NEBL: variants seen among roughly 807,000 people sequenced by gnomAD.
NEBL encodes nebulette, also known as LIM and SH3 protein 2.
A neutral mutation model predicts 140.2 loss-of-function variants in NEBL; 122 were observed. That is an observed-to-expected ratio of 0.87 (90% CI 0.75 to 1.01). NEBL has a LOEUF of 1.01. Ranked by LOEUF, NEBL falls within the 50% of genes least tolerant of loss-of-function variation. NEBL has a pLI of 0.00. For missense variants in NEBL, 1,365 were observed against 1,231.3 expected (o/e 1.11, Z -1.62); for synonymous variants, 436 against 398.9 (o/e 1.09, Z -1.11).
intron 1 of NEBL, among the ~76,000 whole-genome samples, chr10:21,268,664 C>T (rs942555145): frequency 6.6e-6 from 1 of 151,848 alleles, no homozygotes; most frequent in African/African-American, 2.4e-5. Flanking sequence ...GCTGAGATTA[C>T]AGACACGTGC....
intron 3 of NEBL, among the ~76,000 whole-genome samples, chr10:21,186,958 G>C (rs904970642): frequency 5.9e-5 from 9 of 151,440 alleles, no homozygotes; most frequent in African/African-American, 2.2e-4. Context: ...TACAGATTCA[G>C]AACCCACAGA....
intron 13 of NEBL, 105 bp from the exon 14 acceptor site, chr10:20,835,728 G>A (rs1588730851): frequency 2.4e-6 from 2 of 822,762 alleles, no homozygotes; most frequent in East Asian, 2.4e-5. Context: ...TTACAAAAGA[G>A]GTAACAAAGC....
chr10:21,002,914 T>C (rs1837966859), intron 3 of NEBL, among the ~76,000 whole-genome samples: 1 of 151,550 alleles, frequency 6.6e-6, no homozygotes, highest in Non-Finnish European at 1.5e-5. Flanking sequence ...TTCACACCAC[T>C]ACCCACAGTG....
intron 2 of NEBL, chr10:21,110,858 A>G (rs1198098229): frequency 1.6e-6 from 1 of 614,248 alleles, no homozygotes; most frequent in East Asian, 2.9e-5. Flanking sequence ...ATGAATTACA[A>G]ATGCAGTCCA....
intron 1 of NEBL, among the ~76,000 whole-genome samples, chr10:21,262,961 G>A (rs555658127): frequency 6.6e-6 from 1 of 152,312 alleles, no homozygotes; most frequent in African/African-American, 2.4e-5. Context: ...AGCATCAGGG[G>A]ACAGAAAAGG....
intron 3 of NEBL, among the ~76,000 whole-genome samples, chr10:20,889,335 TCA>T (rs1444791906): frequency 6.6e-6 from 1 of 152,244 alleles, no homozygotes; most frequent in South Asian, 2.1e-4. Flanking sequence ...AGCGTATTCC[TCA>T]GTCTGTGATT....
chr10:20,929,646 C>T (rs545873210), intron 4 of NEBL, among the ~76,000 whole-genome samples: 18 of 151,846 alleles, frequency 1.2e-4, no homozygotes, highest in African/African-American at 4.3e-4. Flanking sequence ...AGTGAAATAA[C>T]TCAGGAAGTC....
intron 2 of NEBL, chr10:21,112,823 C>G: frequency 4.6e-6 from 1 of 217,124 alleles, no homozygotes; most frequent in Non-Finnish European, 9.4e-6. Context: ...AATTACACCA[C>G]CCAGTCTTAC....
chr10:21,142,536 T>A (rs1302043353), intron 2 of NEBL, among the ~76,000 whole-genome samples: 2 of 152,212 alleles, frequency 1.3e-5, no homozygotes, highest in African/African-American at 2.4e-5. Flanking sequence ...GCGTCAGTTA[T>A]GAAAAATCAA....
chr10:20,950,190 A>G (rs1053655886), intron 4 of NEBL, among the ~76,000 whole-genome samples: 1 of 152,226 alleles, frequency 6.6e-6, no homozygotes, highest in Non-Finnish European at 1.5e-5. Flanking sequence ...TCTGTGCTTT[A>G]TTCCTCATTA....
At chr10:21,051,158 A>G (rs1834762959) in intron 2 of NEBL, among the ~76,000 whole-genome samples, 1 of 152,130 alleles carries the variant, frequency 6.6e-6, no homozygotes, top group Non-Finnish European at 1.5e-5. Flanking sequence ...CTCAACCTCA[A>G]CCTGACTATG....
At chr10:20,902,910 G>T (rs978333289) in intron 4 of NEBL, among the ~76,000 whole-genome samples, 1 of 152,172 alleles carries the variant, frequency 6.6e-6, no homozygotes, top group Non-Finnish European at 1.5e-5. Flanking sequence ...GAAAGACTTT[G>T]AAATGGGCAC....
chr10:21,239,765 C>G (rs1306932637), intron 3 of NEBL, among the ~76,000 whole-genome samples: 2 of 152,120 alleles, frequency 1.3e-5, no homozygotes, highest in Non-Finnish European at 2.9e-5. Context: ...CGCCTGTAAT[C>G]CCAGCACTTT....
At chr10:20,900,504 C>T (rs1267244932), upstream of NEBL, among the ~76,000 whole-genome samples, 1 of 151,744 alleles carries the variant, frequency 6.6e-6, no homozygotes, top group Non-Finnish European at 1.5e-5. Flanking sequence ...ATGGTCAAAC[C>T]CCGTCTCTAG....
At chr10:20,980,620 A>G (rs929576916) in intron 3 of NEBL, among the ~76,000 whole-genome samples, 10 of 152,178 alleles carry the variant, frequency 6.6e-5, no homozygotes, top group Non-Finnish European at 1.3e-4. Context: ...CAGGGGCCCT[A>G]GAACAGAGAG....
intron 3 of NEBL, among the ~76,000 whole-genome samples, chr10:20,977,046 T>G (rs899989498): frequency 3.9e-5 from 6 of 152,176 alleles, no homozygotes; most frequent in African/African-American, 1.4e-4. Flanking sequence ...TAATAAACCT[T>G]GTCTTTTAAG....
In NEBL at chr10:20,966,910, T is replaced by A. The variant is rs1836339523; in HGVS notation, c.250-5131A>T. Among the ~76,000 whole-genome samples the A allele has an allele frequency of 2.0e-5, 3 of 152,216 alleles. No homozygotes were observed. The South Asian group carries it at 6.2e-4, about 31-fold the overall frequency. ...AAGGAAGCCAACTGGGACCAGAGAC[T>A]GGTAAATTGTTGAATGACAATTAAA... is the stretch of plus-strand genomic sequence containing the variant. On this transcript the variant is annotated intron_variant, in intron 3 of 6. Coordinates refer to the NEBL transcript ENST00000417816.
At chr10:20,942,975 T>A (rs1440285771) in intron 4 of NEBL, among the ~76,000 whole-genome samples, 3 of 152,180 alleles carry the variant, frequency 2.0e-5, no homozygotes, top group Admixed American at 6.5e-5. Flanking sequence ...ATAGGAACAC[T>A]TTTACACTGT....
chr10:20,876,517 G>C (rs930667011), intron 5 of NEBL, among the ~76,000 whole-genome samples: 4 of 151,874 alleles, frequency 2.6e-5, no homozygotes, highest in African/African-American at 9.7e-5. Flanking sequence ...CTCACTTTCT[G>C]ATGGAATAGA....
Sources: allele counts gnomAD v4.1 joint callset (sites outside exome capture counted in the v4.1 genomes callset), GRCh38; gene constraint gnomAD v4.1.1; transcripts MANE v1.5; gene names NCBI Gene and HGNC (gene_info 2026-07-23, HGNC 2026-07-21).